Variants in SCARB1 observed in about 807,000 individuals in gnomAD.
The protein encoded by SCARB1 is CD36 and LIMPII analogous 1.
A neutral mutation model predicts 57.2 loss-of-function variants in SCARB1; 30 were observed. The ratio of observed to expected loss-of-function variants is 0.52; its 90% CI spans 0.39 to 0.71. The LOEUF is 0.71. SCARB1 is among the 30% of genes least tolerant of loss of function. The pLI, the probability that SCARB1 is intolerant of heterozygous loss-of-function variation, is 0.00. For synonymous variants in SCARB1, 249 were observed against 268.3 expected (o/e 0.93, Z 0.70); for missense variants, 543 against 671.2 (o/e 0.81, Z 2.11).
chr12:124,861,330 T>C (rs1195275832), intron 1 of SCARB1, among the ~76,000 whole-genome samples: 1 of 152,202 alleles, frequency 6.6e-6, no homozygotes. Flanking sequence ...ACAGTATTGT[T>C]TTTATGTCTT....
intron 5 of SCARB1, 22 bp downstream of exon 5, chr12:124,811,848 G>A (rs760824799): frequency 4.6e-5 from 73 of 1,577,196 alleles, no homozygotes; most frequent in Non-Finnish European, 5.9e-5. Flanking sequence ...GGCGACAGGG[G>A]CCCTCGCCTC....
chr12:124,812,353 C>T lies in SCARB1; in HGVS notation c.631-388G>A, dbSNP rs75188649. 7.6e-4 allele frequency among the ~76,000 whole-genome samples: 115 copies of T among 152,316 alleles called. No individual in the cohort carries two copies. The highest frequency in any genetic ancestry group is 2.7e-3 in the African/African-American group (111 of 41,570). ...GGGGATGCTTTAAGGACTGTGCACA[C>T]GCCTTTCACCGGGCTCTCTGCCGCT... On this transcript the variant is annotated intron_variant, in intron 4 of 12. Coordinates refer to ENST00000261693, the MANE Select transcript of SCARB1 (RefSeq NM_005505.5). The surrounding 1 kb of genome is among the most constrained non-coding windows in gnomAD (Gnocchi z 4.3).
intron 12 of SCARB1, among the ~76,000 whole-genome samples, chr12:124,778,995 G>A (rs1872852825): frequency 6.6e-6 from 1 of 152,168 alleles, no homozygotes; most frequent in South Asian, 2.1e-4. Flanking sequence ...CTGTCGCCCA[G>A]GCTGGAGTAC....
At position 124,781,015 on chromosome 12, in the gene SCARB1, G is replaced by A. The variant is rs577720358; in HGVS notation, c.*1668C>T. Reference sequence around the variant, plus strand: ...TCCTGGGAGAGAGGAAAGGAAGGGGGTCCAGGCAGAAGGCCTTGCCCCCAA... The same window carrying A: ...TCCTGGGAGAGAGGAAAGGAAGGGGATCCAGGCAGAAGGCCTTGCCCCCAA... On this transcript the variant is annotated intron_variant, in intron 12 of 12. Coordinates refer to ENST00000261693, the MANE Select transcript of SCARB1 (RefSeq NM_005505.5). Among the ~76,000 whole-genome samples the A allele has an allele frequency of 2.0e-5, 3 of 152,288 alleles. No homozygotes were observed. In the South Asian group the frequency reaches 6.2e-4, roughly 32 times the overall value.
At chr12:124,836,569 G>A (rs1316735165) in intron 1 of SCARB1, among the ~76,000 whole-genome samples, 1 of 152,198 alleles carries the variant, frequency 6.6e-6, no homozygotes, top group Non-Finnish European at 1.5e-5. Context: ...GGGGCAGGAG[G>A]ATCACTGGAG....
intron 9 of SCARB1, among the ~76,000 whole-genome samples, chr12:124,793,737 C>CTG (rs1006193537): frequency 6.6e-6 from 1 of 151,138 alleles, no homozygotes; most frequent in Non-Finnish European, 1.5e-5. Context: ...GGGGCAGAGG[C>CTG]TGTGCAAGTC....
At chr12:124,857,155 G>A (rs1594408111) in intron 1 of SCARB1, among the ~76,000 whole-genome samples, 1 of 152,276 alleles carries the variant, frequency 6.6e-6, no homozygotes, top group African/African-American at 2.4e-5. Context: ...GACCAGCTGT[G>A]GAGTCGGCCC....
chr12:124,821,289 G>T, intron 1 of SCARB1: 1 of 678,618 alleles, frequency 1.5e-6, no homozygotes, highest in Non-Finnish European at 1.8e-6. Flanking sequence ...CACACACGCA[G>T]CCTCAATTTC....
At position 124,815,110 on chromosome 12, in the gene SCARB1, A is replaced by G. The variant is rs771997133; in HGVS notation, c.289T>C (p.Phe97Leu). The part of the protein sequence containing the change: ...RERGPYVYRE[F>L]RHKSNITFNN... ...AAGGTGATGTTGCTTTTGTGCCTGA[A>G]CTCCCTGTGGGGGAAGCCAGTGGGT... Residue 97 changes from phenylalanine (F) to leucine (L), a missense_variant, in exon 3 of 13, where the codon TTC becomes CTC. Coordinates refer to ENST00000261693, the MANE Select transcript of SCARB1 (RefSeq NM_005505.5). 6.2e-7 allele frequency: 1 copy of G among 1,612,640 alleles called. No homozygotes were observed. Among genetic ancestry groups the G allele is most frequent in the Admixed American group, 1.7e-5 (1 of 59,962 alleles).
At chr12:124,816,652 T>C (rs1950727427) in intron 2 of SCARB1, among the ~76,000 whole-genome samples, 2 of 152,078 alleles carry the variant, frequency 1.3e-5, no homozygotes, top group Non-Finnish European at 2.9e-5. Flanking sequence ...TCAGCTCCCC[T>C]GTCTGTGAAC....
chr12:124,845,242 G>A (rs527766024), intron 1 of SCARB1, among the ~76,000 whole-genome samples: 3 of 152,228 alleles, frequency 2.0e-5, no homozygotes, highest in South Asian at 4.1e-4. Flanking sequence ...ACAGAGGCGC[G>A]GAAAAACAGC....
chr12:124,785,736 GA>G, intron 11 of SCARB1: 1 of 300,130 alleles, frequency 3.3e-6, no homozygotes, highest in Non-Finnish European at 6.2e-6. Context: ...ATTACATGTT[GA>G]AGTGATAATA....
rs771246717 is a variant in SCARB1 at position 124,817,048 on chromosome 12, GTA to G, written c.284+500_284+501del. Among the ~76,000 whole-genome samples, 144 of 146,712 alleles carry G rather than the reference GTA, an allele frequency of 9.8e-4. 1 individual carries two copies. The highest frequency in any genetic ancestry group is 3.5e-3 in the African/African-American group (133 of 38,434). On this transcript the variant is annotated intron_variant, in intron 2 of 12. Coordinates refer to ENST00000261693, the MANE Select transcript of SCARB1 (RefSeq NM_005505.5). The surrounding 1 kb of genome is among the most constrained non-coding windows in gnomAD (Gnocchi z 4.8). The stretch of plus-strand genomic sequence containing the variant: ...TGTGTGTGTGTGTGTGTGTGTGTGT[GTA>G]TGTGTGTATGCATGTGTAGGTACAT...
chr12:124,792,143 A>G (rs915366682), intron 9 of SCARB1, among the ~76,000 whole-genome samples: 8 of 152,100 alleles, frequency 5.3e-5, no homozygotes, highest in African/African-American at 1.5e-4. Flanking sequence ...GTAAGAACCA[A>G]TGGGAATTGT....
intron 2 of SCARB1, among the ~76,000 whole-genome samples, chr12:124,815,877 G>T (rs1276976409): frequency 1.3e-5 from 2 of 152,058 alleles, no homozygotes; most frequent in African/African-American, 4.8e-5. Flanking sequence ...AAAAAAAGTA[G>T]AAATCAGATC....
chr12:124,845,021 T>A (rs1460512403), intron 1 of SCARB1, among the ~76,000 whole-genome samples: 1 of 151,764 alleles, frequency 6.6e-6, no homozygotes, highest in Non-Finnish European at 1.5e-5. Flanking sequence ...CTCCGGAATC[T>A]AGGACTGCAC....
chr12:124,795,573 G>A (rs184704655), intron 8 of SCARB1, among the ~76,000 whole-genome samples: 1 of 152,294 alleles, frequency 6.6e-6, no homozygotes, highest in Non-Finnish European at 1.5e-5. Context: ...GTCTCAGGGT[G>A]GAAAATACCT....
Position 124,819,167 on chromosome 12 carries a change from A to G in SCARB1, c.127-1460T>C, listed in dbSNP as rs192168552. 1.8e-4 allele frequency among the ~76,000 whole-genome samples: 28 copies of G among 151,984 alleles called. 1 individual carries two copies. Among genetic ancestry groups the G allele is most frequent in the Non-Finnish European group, 3.8e-4 (26 of 67,932 alleles). On this transcript the variant is annotated intron_variant, in intron 1 of 12. Transcript: ENST00000261693. ...AAGAAAAGAAAGAAAGAAAAAGAAC[A>G]CACACAAACACAACCTAGACCCAAA...
At position 124,800,095 on chromosome 12, in the gene SCARB1, AC is replaced by A. The variant is rs1379470007; in HGVS notation, c.1128+28del. The A allele has an allele frequency of 2.0e-6, 3 of 1,532,168 alleles. No individual in the cohort carries two copies. The Admixed American group carries it at 5.0e-5, about 26-fold the overall frequency. The allele number at this position is 1,532,168 out of a possible 1,614,324, so 94.9% of individuals were successfully genotyped here. A position where few individuals can be genotyped will look rare whatever the true frequency, so the allele number is the denominator to read the frequency against. ...GGTGTGCTCCAACCAGGAATCACCC[AC>A]CCCCCACAGAGGATGGCAGGGGCTC... On this transcript the variant is annotated intron_variant, in intron 8 of 12. Transcript: ENST00000261693. This position sits in a 1 kb window ranked among gnomAD's most constrained non-coding sequence, Gnocchi z 4.8.
Sources: gnomAD v4.1 joint callset for allele counts (sites outside exome capture counted in the v4.1 genomes callset) on GRCh38, gnomAD v4.1.1 for gene constraint, Gnocchi (gnomAD v3.1) non-coding constraint, MANE v1.5 for transcripts, NCBI Gene and HGNC (gene_info 2026-07-23, HGNC 2026-07-21) for gene names.